The following TMEFF1 variants were observed in gnomAD, a reference collection of about 807,000 sequenced individuals.
The protein encoded by TMEFF1 is transmembrane protein with EGF like and two follistatin like domains 1.
A neutral mutation model predicts 47.5 loss-of-function variants in TMEFF1; 20 were observed. That is an observed-to-expected ratio of 0.42 (90% CI 0.30 to 0.61). The LOEUF is 0.61. Ranked by LOEUF, TMEFF1 falls within the 20% of genes least tolerant of loss-of-function variation. The pLI, the probability that TMEFF1 is intolerant of heterozygous loss-of-function variation, is 0.19. For synonymous variants in TMEFF1, 162 were observed against 166.3 expected (o/e 0.97, Z 0.20); for missense variants, 411 against 471.1 (o/e 0.87, Z 1.18).
chr9:100,504,796 A>T (rs1837825203), intron 2 of TMEFF1, among the ~76,000 whole-genome samples: 1 of 152,216 alleles, frequency 6.6e-6, no homozygotes, highest in African/African-American at 2.4e-5. Flanking sequence ...ATGGTTTATG[A>T]TATTTAAGTT....
chr9:100,538,999 G>A (rs1234065667), intron 5 of TMEFF1, among the ~76,000 whole-genome samples: 2 of 152,078 alleles, frequency 1.3e-5, no homozygotes, highest in African/African-American at 4.8e-5. Context: ...CCACCTCCCA[G>A]GTTTAGGTGA....
chr9:100,555,563 G>A (rs1358919656), intron 7 of TMEFF1, among the ~76,000 whole-genome samples: 1 of 152,132 alleles, frequency 6.6e-6, no homozygotes, highest in Non-Finnish European at 1.5e-5. Context: ...TGATTTCTGT[G>A]AGCCTCACTG....
At chr9:100,511,884 G>A (rs1018410454) in intron 3 of TMEFF1, among the ~76,000 whole-genome samples, 1 of 152,052 alleles carries the variant, frequency 6.6e-6, no homozygotes, top group Non-Finnish European at 1.5e-5. Flanking sequence ...ATAACATACA[G>A]GGAGAATTCT....
In TMEFF1 at chr9:100,478,005, G is replaced by A. The variant is rs534967816; in HGVS notation, c.196+4265G>A. ...TTCTGGTCTTCTGGCACCTTGTCAA[G>A]GTAGCTTAGATAATTTGTGGTAGTT... On this transcript the variant is annotated intron_variant, in intron 1 of 9. Transcript: ENST00000374879. Among the ~76,000 whole-genome samples, 13 of 152,266 alleles carry A rather than the reference G, an allele frequency of 8.5e-5. No individual in the cohort carries two copies. The South Asian group carries it at 2.7e-3, about 32-fold the overall frequency.
chr9:100,572,438 T>G, intron 8 of TMEFF1, 80 bp from the exon 9 acceptor site: 3 of 1,393,818 alleles, frequency 2.2e-6, no homozygotes, highest in Non-Finnish European at 2.8e-6. Context: ...TTTATTACTA[T>G]TTTGTATTTT....
rs1236642683 is a variant in TMEFF1 at position 100,572,653 on chromosome 9, A to C, written c.1035A>C (p.Val345=). ...GAGCTGTACAGATTGCCATCATAGT[A>C]GCAATTGTAATGTGCATAACAAGGT... is the stretch of plus-strand genomic sequence containing the variant. ...IIGAVQIAII[V]AIVMCITRKC... The change falls in exon 9 of 10, where the codon GTA becomes GTC. Residue 345 remains valine, a synonymous_variant. Transcript: ENST00000374879. 1.2e-6 allele frequency: 2 copies of C among 1,610,940 alleles called. No homozygotes were observed. The highest frequency in any genetic ancestry group is 2.7e-5 in the African/African-American group (2 of 74,788).
At chr9:100,499,758 A>T (rs1837724234) in intron 2 of TMEFF1, among the ~76,000 whole-genome samples, 1 of 152,176 alleles carries the variant, frequency 6.6e-6, no homozygotes, top group African/African-American at 2.4e-5. Context: ...CTTACTTATG[A>T]TACTGTAAAT....
chr9:100,561,551 C>G (rs1839015631), intron 8 of TMEFF1, 31 bp downstream of exon 8: 1 of 1,588,334 alleles, frequency 6.3e-7, no homozygotes, highest in Non-Finnish European at 8.6e-7. Context: ...CAGTGGTGAG[C>G]ATTTTTTTTC....
intron 5 of TMEFF1, among the ~76,000 whole-genome samples, chr9:100,535,083 C>T (rs1455249117): frequency 6.6e-6 from 1 of 152,046 alleles, no homozygotes; most frequent in Non-Finnish European, 1.5e-5. Context: ...CTGGATTGAC[C>T]CACTTCTGTA....
rs1314201678 is a variant in TMEFF1 at position 100,473,762 on chromosome 9, C to T, written c.196+22C>T. ...TCAGGTAGGACCGGTCGGAGCCGGC[C>T]CTAGGTCTTCCCACCCCTCCGTTGC... On this transcript the variant is annotated intron_variant, in intron 1 of 9. Coordinates refer to ENST00000374879, the MANE Select transcript of TMEFF1 (RefSeq NM_003692.5). This position sits in a 1 kb window ranked among gnomAD's most constrained non-coding sequence, Gnocchi z 5.4. The T allele has an allele frequency of 2.0e-6, 3 of 1,465,974 alleles. No homozygotes were observed. Among genetic ancestry groups the T allele is most frequent in the Admixed American group, 2.3e-5 (1 of 43,406 alleles). 90.8% of individuals were successfully genotyped at this position (1,465,974 alleles called of 1,614,324 possible). A position where few individuals can be genotyped will look rare whatever the true frequency, so the allele number is the denominator to read the frequency against.
intron 1 of TMEFF1, among the ~76,000 whole-genome samples, chr9:100,487,388 G>A (rs964617079): frequency 8.5e-5 from 13 of 152,098 alleles, no homozygotes; most frequent in Non-Finnish European, 8.8e-5. Flanking sequence ...GGCTGGTCTC[G>A]AATCCCTGGC....
At chr9:100,560,221 G>C (rs960692034) in intron 7 of TMEFF1, among the ~76,000 whole-genome samples, 2 of 152,092 alleles carry the variant, frequency 1.3e-5, no homozygotes, top group African/African-American at 4.8e-5. Context: ...GGTTGTTTTG[G>C]TGGTATTGTA....
At chr9:100,484,810 A>G (rs78439290) in intron 1 of TMEFF1, among the ~76,000 whole-genome samples, 7,667 of 150,516 alleles carry the variant, frequency 0.051, 344 homozygotes, top group Admixed American at 0.14. Context: ...ATACCTCGGC[A>G]TGAGATTCAG....
At chr9:100,553,538 AGCATTT>A (rs1284127931) in intron 7 of TMEFF1, among the ~76,000 whole-genome samples, 1 of 152,078 alleles carries the variant, frequency 6.6e-6, no homozygotes, top group African/African-American at 2.4e-5. Context: ...TGTGAAATGG[AGCATTT>A]GTATGTCTAG....
intron 1 of TMEFF1, among the ~76,000 whole-genome samples, chr9:100,478,098 C>A (rs1340453168): frequency 2.6e-5 from 4 of 152,112 alleles, no homozygotes; most frequent in African/African-American, 9.7e-5. Context: ...AAAGCATATT[C>A]TTTTGAACTA....
chr9:100,561,500 T>C lies in TMEFF1; in HGVS notation c.879T>C (p.Ser293=). The change falls in exon 8 of 10, where the codon TCT becomes TCC. Residue 293 remains serine, a synonymous_variant. Transcript: ENST00000374879. ...CIHGKCEFIY[S]TQKASCRCES... is the part of the protein sequence containing the mutation. ...ATGGAAAATGTGAATTCATCTATTC[T>C]ACTCAGAAGGCTTCTTGTAGGTAAG... The C allele has an allele frequency of 6.2e-7, 1 of 1,612,842 alleles. No homozygotes were observed. Among genetic ancestry groups the C allele is most frequent in the Non-Finnish European group, 8.5e-7 (1 of 1,179,552 alleles).
chr9:100,498,749 T>A lies in TMEFF1; in HGVS notation c.197-16T>A. ...AAAGCCAAATATATATGTCAAACAA[T>A]TTTTTTCTTTTGCAGAATTAAATGT... On this transcript the variant is annotated splice_polypyrimidine_tract_variant and intron_variant, in intron 1 of 9. Coordinates refer to ENST00000374879, the MANE Select transcript of TMEFF1 (RefSeq NM_003692.5). 1.2e-6 allele frequency: 2 copies of A among 1,611,020 alleles called. No individual in the cohort carries two copies. Among genetic ancestry groups the A allele is most frequent in the Admixed American group, 1.7e-5 (1 of 59,042 alleles).
chr9:100,482,529 G>A lies in TMEFF1; in HGVS notation c.196+8789G>A, dbSNP rs548730178. On this transcript the variant is annotated intron_variant, in intron 1 of 9. Coordinates refer to ENST00000374879, the MANE Select transcript of TMEFF1 (RefSeq NM_003692.5). ...TCTTCTAAACTTGGAGGTACTGTCA[G>A]CATTGGGCTTTTATTTCCACATTGC... Among the ~76,000 whole-genome samples, 13 of 152,294 alleles carry A rather than the reference G, an allele frequency of 8.5e-5. No individual in the cohort carries two copies. In the South Asian group the frequency reaches 2.7e-3, roughly 32 times the overall value.
intron 5 of TMEFF1, among the ~76,000 whole-genome samples, chr9:100,533,320 T>C (rs548932519): frequency 6.6e-6 from 1 of 152,250 alleles, no homozygotes; most frequent in Non-Finnish European, 1.5e-5. Flanking sequence ...TAATGATTAG[T>C]GTACCCTTAA....
Sources: gnomAD v4.1 joint callset for allele counts (sites outside exome capture counted in the v4.1 genomes callset) on GRCh38, gnomAD v4.1.1 for gene constraint, Gnocchi (gnomAD v3.1) non-coding constraint, MANE v1.5 for transcripts, NCBI Gene and HGNC (gene_info 2026-07-23, HGNC 2026-07-21) for gene names.